MUSK: variants seen among roughly 807,000 people sequenced by gnomAD.
MUSK encodes muscle, skeletal receptor tyrosine-protein kinase.
Under a neutral mutation model 88.7 loss-of-function variants are expected in MUSK, and 55 were observed. That is an observed-to-expected ratio of 0.62 (90% CI 0.50 to 0.78). The LOEUF is 0.78. Ranked by LOEUF, MUSK falls within the 30% of genes least tolerant of loss-of-function variation. MUSK has a pLI of 0.00. For missense variants in MUSK, 1,015 were observed against 1,074.3 expected, an observed-to-expected ratio of 0.94 and a Z score of 0.77; for synonymous variants, 387 against 391.9, an observed-to-expected ratio of 0.99 and a Z score of 0.15.
chr9:110,689,749 A>AG lies in MUSK; in HGVS notation c.358+2481_358+2482insG, dbSNP rs1197833897. On this transcript the variant is annotated intron_variant, in intron 3 of 14. Transcript: ENST00000374448. The stretch of plus-strand genomic sequence containing the variant: ...ATATAGTTTATATATAATATTATAT[A>AG]TTATATATAAACTATATATATCACA... Among the ~76,000 whole-genome samples the AG allele has an allele frequency of 7.5e-4, 26 of 34,722 alleles. 2 individuals are homozygous for AG. Among genetic ancestry groups the AG allele is most frequent in the Non-Finnish European group, 1.3e-3 (22 of 16,954 alleles). 22.8% of individuals were successfully genotyped at this position (34,722 alleles called of 152,430 possible).
rs369240171 is a variant in MUSK, at chr9:110,776,634, T to G, written c.1363T>G (p.Tyr455Asp). 23 of 1,599,274 alleles carry G rather than the reference T, an allele frequency of 1.4e-5. No homozygotes were observed. The highest frequency in any genetic ancestry group is 2.0e-5 in the Non-Finnish European group (23 of 1,168,262). The change falls in exon 11 of 15, where the codon TAT (tyrosine) becomes GAT (aspartate). Residue 455 changes from tyrosine to aspartate, a missense_variant and splice_region_variant. Physicochemically the swap from Tyr to Asp is radical, Grantham distance 160. Transcript: ENST00000374448. ...TACARLPHLD[Y>D]NKENLKTFPP... Reference sequence around the variant, plus strand: ...AATTTTTATCCTTTCCCCTTCAGATTATAACAAAGAAAACCTAAAAAGTAA... The same window carrying G: ...AATTTTTATCCTTTCCCCTTCAGATGATAACAAAGAAAACCTAAAAAGTAA...
At chr9:110,761,980 A>G (rs934248743) in intron 7 of MUSK, 2 of 955,226 alleles carry the variant, frequency 2.1e-6, no homozygotes, top group African/African-American at 3.5e-5. Flanking sequence ...CAGTTTGAAA[A>G]GAACCTGCTT....
At chr9:110,791,345 G>A (rs1350239443) in intron 14 of MUSK, among the ~76,000 whole-genome samples, 1 of 125,756 alleles carries the variant, frequency 8.0e-6, no homozygotes, top group Non-Finnish European at 1.7e-5. Context: ...AAAGAAAGGG[G>A]TGACGGACGC....
rs1417062202 is a variant in MUSK at position 110,689,743 on chromosome 9, T to TATATAATA, written c.358+2475_358+2476insATATAATA. ...TGTTATATATAGTTTATATATAATA[T>TATATAATA]TATATATTATATATAAACTATATAT... On this transcript the variant is annotated intron_variant, in intron 3 of 14. Transcript: ENST00000374448. 5.8e-4 allele frequency among the ~76,000 whole-genome samples: 43 copies of TATATAATA among 74,132 alleles called. 4 individuals carry two copies. Among genetic ancestry groups the TATATAATA allele is most frequent in the African/African-American group, 2.6e-3 (35 of 13,272 alleles). The allele number at this position is 74,132 out of a possible 152,430, so 48.6% of individuals were successfully genotyped here. A position where few individuals can be genotyped will look rare whatever the true frequency, so the allele number is the denominator to read the frequency against.
At chr9:110,689,521 A>G (rs1233828460) in intron 3 of MUSK, among the ~76,000 whole-genome samples, 2 of 85,116 alleles carry the variant, frequency 2.3e-5, no homozygotes, top group Non-Finnish European at 4.0e-5. Flanking sequence ...ATAAATATAT[A>G]CAACTATATA....
chr9:110,676,281 T>C (rs1431566045), intron 1 of MUSK, among the ~76,000 whole-genome samples: 2 of 142,110 alleles, frequency 1.4e-5, no homozygotes, highest in Non-Finnish European at 3.2e-5. Context: ...AGTCTCTTTC[T>C]CTCATATATG....
At chr9:110,776,048 A>G in intron 10 of MUSK, 85 bp downstream of exon 10, 2 of 1,431,588 alleles carry the variant, frequency 1.4e-6, no homozygotes, top group South Asian at 2.9e-5. Flanking sequence ...AAAGCTTCTA[A>G]TATTTCTAGG....
Position 110,804,492 on chromosome 9 carries a change from A to G in MUSK, c.*3504A>G, listed in dbSNP as rs1588057214. On this transcript the variant is annotated 3_prime_UTR_variant, in exon 15 of 15. Coordinates refer to ENST00000374448, the MANE Select transcript of MUSK (RefSeq NM_005592.4). ...ACCTCTTTTTAATTTTATTTTTTAA[A>G]TTACTAGTCAGGTTGAATGTTTCTT... 6.6e-6 allele frequency among the ~76,000 whole-genome samples: 1 copy of G among 151,964 alleles called. No individual in the cohort carries two copies. Among genetic ancestry groups the G allele is most frequent in the African/African-American group, 2.4e-5 (1 of 41,428 alleles).
At chr9:110,704,752 G>C (rs543204125) in intron 5 of MUSK, among the ~76,000 whole-genome samples, 4 of 151,910 alleles carry the variant, frequency 2.6e-5, no homozygotes, top group African/African-American at 9.7e-5. Flanking sequence ...TTGGGAGGCC[G>C]AGGTGGGCGA....
At chr9:110,743,400 T>G (rs1210922739) in intron 6 of MUSK, among the ~76,000 whole-genome samples, 1 of 152,204 alleles carries the variant, frequency 6.6e-6, no homozygotes, top group Non-Finnish European at 1.5e-5. Flanking sequence ...AATAGTAGTT[T>G]GGCATGGAAA....
chr9:110,724,738 T>C (rs73657649), intron 5 of MUSK, among the ~76,000 whole-genome samples: 3,465 of 152,096 alleles, frequency 0.023, 134 homozygotes, highest in African/African-American at 0.074. Flanking sequence ...AGCAAAAAAT[T>C]ATATCTTCAT....
intron 3 of MUSK, among the ~76,000 whole-genome samples, chr9:110,690,583 T>G (rs1159416074): frequency 6.7e-4 from 34 of 50,660 alleles, no homozygotes; most frequent in African/African-American, 3.5e-3. Flanking sequence ...TATATATATT[T>G]AAATATAAGT....
chr9:110,709,722 G>A (rs2076644145), intron 5 of MUSK, among the ~76,000 whole-genome samples: 1 of 152,048 alleles, frequency 6.6e-6, no homozygotes, highest in Admixed American at 6.6e-5. Flanking sequence ...AAGTCCAATG[G>A]CAAAAACTAA....
chr9:110,749,997 G>A (rs2077227531), intron 7 of MUSK, among the ~76,000 whole-genome samples: 1 of 151,890 alleles, frequency 6.6e-6, no homozygotes, highest in South Asian at 2.1e-4. Context: ...AAGACCTACT[G>A]TTAAATAAAC....
intron 7 of MUSK, 200 bp from the exon 8 acceptor site, chr9:110,762,002 T>A: frequency 1.1e-6 from 1 of 907,092 alleles, no homozygotes; most frequent in Non-Finnish European, 1.3e-6. Flanking sequence ...CTAAAGATAC[T>A]CAATATTTTC....
At chr9:110,781,483 A>C (rs539606066) in intron 11 of MUSK, among the ~76,000 whole-genome samples, 27 of 152,066 alleles carry the variant, frequency 1.8e-4, no homozygotes, top group Admixed American at 1.8e-3. Context: ...TCACCGTGTT[A>C]GCCAGGATGG....
chr9:110,770,697 T>C (rs2131968026), intron 9 of MUSK, among the ~76,000 whole-genome samples: 1 of 151,378 alleles, frequency 6.6e-6, no homozygotes, highest in Admixed American at 6.6e-5. Flanking sequence ...CCATTCTTTT[T>C]ATGTAGATCT....
intron 6 of MUSK, among the ~76,000 whole-genome samples, chr9:110,734,595 AT>A (rs1482371690): frequency 2.6e-5 from 4 of 152,030 alleles, no homozygotes; most frequent in African/African-American, 4.8e-5. Context: ...TAGAAAACCA[AT>A]TTCTTTCTTT....
Position 110,734,317 on chromosome 9 carries a change from A to C in MUSK, c.695A>C (p.His232Pro). 1 of 1,613,248 alleles carries C rather than the reference A, an allele frequency of 6.2e-7. No individual in the cohort carries two copies. The highest frequency in any genetic ancestry group is 8.5e-7 in the Non-Finnish European group (1 of 1,179,470). The change falls in exon 6 of 15, where the codon CAC (histidine) becomes CCC (proline). Residue 232 changes from histidine to proline, a missense_variant. Physicochemically the swap from His to Pro is moderately conservative, Grantham distance 77 (BLOSUM62 -2). Coordinates refer to ENST00000374448, the MANE Select transcript of MUSK (RefSeq NM_005592.4). ...NVTFGSFVTL[H>P]CTATGIPVPT... ...ACCTTTGGCTCCTTTGTGACCCTGCACTGTACAGCAACAGGCATTCCTGTC... is the reference window on the plus strand; with the variant it reads ...ACCTTTGGCTCCTTTGTGACCCTGCCCTGTACAGCAACAGGCATTCCTGTC...
Sources: gnomAD v4.1 joint callset for allele counts (sites outside exome capture counted in the v4.1 genomes callset) on GRCh38, gnomAD v4.1.1 for gene constraint, MANE v1.5 for transcripts, NCBI Gene and HGNC (gene_info 2026-07-23, HGNC 2026-07-21) for gene names.